The following SREK1 variants were observed in gnomAD, a reference collection of about 807,000 sequenced individuals.
SREK1 encodes splicing regulatory glutamine/lysine-rich protein 1.
In SREK1, 13 loss-of-function variants were observed where a neutral mutation model predicts 66.5. The observed-to-expected ratio is 0.20, with a 90% confidence interval of 0.13 to 0.31. SREK1 has a LOEUF of 0.31. Ranked by LOEUF, SREK1 falls within the 10% of genes least tolerant of loss-of-function variation. SREK1 has a pLI of 1.00. For missense variants in SREK1, 607 were observed against 769.6 expected (o/e 0.79, Z 2.50); for synonymous variants, 265 against 263.5 (o/e 1.01, Z -0.05).
intron 9 of SREK1, among the ~76,000 whole-genome samples, chr5:66,172,824 ATTTTTTTTTTT>A (rs762670649): frequency 8.5e-6 from 1 of 118,234 alleles, no homozygotes; most frequent in Non-Finnish European, 1.7e-5. Flanking sequence ...ATTTCTTTGA[ATTTTTTTTTTT>A]TTTTTTTTTT....
Position 66,178,984 on chromosome 5 carries a change from G to A in SREK1, c.*116G>A. 5 of 1,169,804 alleles carry A rather than the reference G, an allele frequency of 4.3e-6. No individual in the cohort carries two copies. The highest frequency in any genetic ancestry group is 5.7e-6 in the Non-Finnish European group (5 of 884,752). 72.5% of individuals were successfully genotyped at this position (1,169,804 alleles called of 1,614,324 possible). A position where few individuals can be genotyped will look rare whatever the true frequency, so the allele number is the denominator to read the frequency against. ...TTGAGCATGAAGATAGGATCTAACA[G>A]CTTTTCCAGTTGTTAGATGACTTTG... On this transcript the variant is annotated 3_prime_UTR_variant, in exon 12 of 12. Transcript: ENST00000334121.
rs1207003686 is a variant in SREK1, at chr5:66,179,509, G to GCTA, written c.*644_*646dup. ...GTGGATTAAAAAACTGACAATGCATGCTACTGTTCTCTTTCAAAAGGAAGA... is the reference window on the plus strand; with the variant it reads ...GTGGATTAAAAAACTGACAATGCATGCTACTACTGTTCTCTTTCAAAAGGAAGA... On this transcript the variant is annotated 3_prime_UTR_variant, in exon 12 of 12. Coordinates refer to ENST00000334121, the MANE Select transcript of SREK1 (RefSeq NM_001077199.3). 6.6e-5 allele frequency: 10 copies of GCTA among 152,606 alleles called. No individual in the cohort carries two copies. Among genetic ancestry groups the GCTA allele is most frequent in the Non-Finnish European group, 1.3e-4 (9 of 67,956 alleles). 9.5% of individuals were successfully genotyped at this position (152,606 alleles called of 1,614,324 possible).
rs1457539188 is a variant in SREK1, at chr5:66,175,036, C to G, written c.1575C>G (p.Pro525=). ...GGAAATCTTCTAGATCTCCGTCCCC[C>G]AGGAGGTAGGTTGGGAGCTTGTGCT... ...IKRKSSRSPS[P]RSRNKKDKKR... is the part of the protein sequence containing the mutation. The change falls in exon 10 of 12, where the codon CCC becomes CCG. Residue 525 remains proline, a synonymous_variant. Coordinates refer to ENST00000334121, the MANE Select transcript of SREK1 (RefSeq NM_001077199.3). 1.2e-6 allele frequency: 2 copies of G among 1,610,808 alleles called. No homozygotes were observed. The highest frequency in any genetic ancestry group is 1.7e-6 in the Non-Finnish European group (2 of 1,178,218).
intron 1 of SREK1, among the ~76,000 whole-genome samples, chr5:66,151,585 A>G (rs1429155648): frequency 6.6e-6 from 1 of 152,174 alleles, no homozygotes; most frequent in Non-Finnish European, 1.5e-5. Flanking sequence ...GTGACCATCA[A>G]GGTGTAATAT....
At chr5:66,156,552 T>C (rs1476218280) in intron 2 of SREK1, 5 of 986,084 alleles carry the variant, frequency 5.1e-6, no homozygotes, top group Non-Finnish European at 6.0e-6. Flanking sequence ...AGGAACACTT[T>C]CTGATCTCAG....
intron 10 of SREK1, among the ~76,000 whole-genome samples, chr5:66,177,111 C>T (rs1418972577): frequency 1.3e-5 from 2 of 152,140 alleles, no homozygotes; most frequent in Non-Finnish European, 2.9e-5. Flanking sequence ...TTCCCATTCA[C>T]CCTGTGTAAT....
chr5:66,147,578 A>G (rs892312912), intron 1 of SREK1, among the ~76,000 whole-genome samples: 1 of 152,044 alleles, frequency 6.6e-6, no homozygotes, highest in East Asian at 1.9e-4. Flanking sequence ...TCCTGTGTTG[A>G]TTTTTTTTGC....
intron 2 of SREK1, 104 bp from the exon 3 acceptor site, chr5:66,159,115 A>G (rs1158577935): frequency 1.5e-5 from 21 of 1,443,436 alleles, no homozygotes; most frequent in Non-Finnish European, 1.9e-5. Flanking sequence ...AGATAGATTC[A>G]TTTATTATTA....
chr5:66,160,448 G>GT (rs1441225794), intron 3 of SREK1, among the ~76,000 whole-genome samples: 2 of 152,138 alleles, frequency 1.3e-5, no homozygotes, highest in African/African-American at 4.8e-5. Context: ...GGGGGGAAAT[G>GT]TTTTTTAATT....
chr5:66,153,766 A>G, intron 2 of SREK1, 170 bp downstream of exon 2: 1 of 720,268 alleles, frequency 1.4e-6, no homozygotes, highest in Non-Finnish European at 2.2e-6. Context: ...TAAAATGGTT[A>G]ATTTATGACA....
chr5:66,151,483 G>A (rs1268226782), intron 1 of SREK1, among the ~76,000 whole-genome samples: 5 of 152,326 alleles, frequency 3.3e-5, no homozygotes, highest in African/African-American at 4.8e-5. Flanking sequence ...GACTTGGGTA[G>A]TATGATATCT....
chr5:66,157,822 T>C, intron 2 of SREK1: 3 of 599,562 alleles, frequency 5.0e-6, no homozygotes, highest in Non-Finnish European at 6.3e-6. Context: ...ATAGCCATTA[T>C]TTAAATCAAG....
At chr5:66,157,327 C>T in intron 2 of SREK1, 1 of 983,388 alleles carries the variant, frequency 1.0e-6, no homozygotes, top group Non-Finnish European at 1.2e-6. Context: ...TTTGTATAGT[C>T]TTTCTACAAT....
At chr5:66,177,166 T>A (rs1746119678) in intron 10 of SREK1, among the ~76,000 whole-genome samples, 1 of 152,142 alleles carries the variant, frequency 6.6e-6, no homozygotes, top group Non-Finnish European at 1.5e-5. Context: ...CTTTGCGAAA[T>A]GAGGCGGATA....
intron 1 of SREK1, among the ~76,000 whole-genome samples, chr5:66,152,150 C>T (rs1026899878): frequency 5.9e-5 from 9 of 152,140 alleles, no homozygotes; most frequent in Non-Finnish European, 1.0e-4. Context: ...CTGCGCCCGG[C>T]GGTACATCTT....
Position 66,170,150 on chromosome 5 carries a change from A to G in SREK1, c.1101A>G (p.Ser367=). Reference sequence around the variant, plus strand: ...CTAAATCAAGGGAGAGACGGAAGTCAAGGAGTCGTTCGCATTCACGGTGAG... The same window carrying G: ...CTAAATCAAGGGAGAGACGGAAGTCGAGGAGTCGTTCGCATTCACGGTGAG... ...KRSKSRERRK[S]RSRSHSRDKR... The change falls in exon 8 of 12, where the codon TCA becomes TCG. Residue 367 remains serine, a synonymous_variant. Transcript: ENST00000334121. The G allele has an allele frequency of 6.2e-7, 1 of 1,612,188 alleles. No homozygotes were observed. The highest frequency in any genetic ancestry group is 8.5e-7 in the Non-Finnish European group (1 of 1,179,204).
At chr5:66,151,472 G>A (rs898283822) in intron 1 of SREK1, among the ~76,000 whole-genome samples, 1 of 152,136 alleles carries the variant, frequency 6.6e-6, no homozygotes, top group African/African-American at 2.4e-5. Flanking sequence ...CCTAGGTTTC[G>A]GACTTGGGTA....
chr5:66,166,657 C>A (rs937643653), intron 7 of SREK1: 1 of 151,924 alleles, frequency 6.6e-6, no homozygotes, highest in Non-Finnish European at 1.5e-5. Flanking sequence ...TTTGTAGAAA[C>A]GGGGTTTTAT....
At chr5:66,147,648 G>A (rs1001438193) in intron 1 of SREK1, among the ~76,000 whole-genome samples, 3 of 152,028 alleles carry the variant, frequency 2.0e-5, no homozygotes, top group Admixed American at 2.0e-4. Context: ...GGAAAAATCT[G>A]TCAACTACTT....
Sources: allele counts gnomAD v4.1 joint callset (sites outside exome capture counted in the v4.1 genomes callset), GRCh38; gene constraint gnomAD v4.1.1; transcripts MANE v1.5; gene names NCBI Gene and HGNC (gene_info 2026-07-23, HGNC 2026-07-21).